Variants in TXLNB observed in about 807,000 individuals in gnomAD.
TXLNB encodes taxilin beta, also known as beta-taxilin.
In TXLNB, 37 loss-of-function variants were observed where a neutral mutation model predicts 57.4. That is an observed-to-expected ratio of 0.64 (90% CI 0.50 to 0.85). The LOEUF is 0.85. TXLNB is among the 40% of genes least tolerant of loss of function. TXLNB has a pLI of 0.00. For missense variants in TXLNB, 848 were observed against 825.6 expected, an observed-to-expected ratio of 1.03 and a Z score of -0.33; for synonymous variants, 302 against 309.6, an observed-to-expected ratio of 0.98 and a Z score of 0.26.
At chr6:139,266,946 ATT>A (rs1162694377) in intron 4 of TXLNB, among the ~76,000 whole-genome samples, 1 of 144,410 alleles carries the variant, frequency 6.9e-6, no homozygotes. Context: ...ATAGTGGCAC[ATT>A]TATTTAAGGC....
the TXLNB span, among the ~76,000 whole-genome samples, chr6:139,200,536 C>A: frequency 6.6e-6 from 1 of 152,030 alleles, no homozygotes; most frequent in Non-Finnish European, 1.5e-5. Flanking sequence ...TTTTGGGATG[C>A]CATGATCAAT....
Position 139,276,904 on chromosome 6 carries a change from G to A in TXLNB, c.442C>T (p.Leu148=). The change falls in exon 3 of 10, where the codon CTA becomes TTA. Residue 148 remains leucine, a synonymous_variant. Transcript: ENST00000358430. ...TGCAACTTGTTCAGATTTTGCATTA[G>A]CAGGTTGGCTTCTTTGCCTTAAAAA... ...LKGLGKEANL[L]MQNLNKLQTP... is the part of the protein sequence containing the mutation. 6.3e-7 allele frequency: 1 copy of A among 1,584,686 alleles called. No individual in the cohort carries two copies. The highest frequency in any genetic ancestry group is 1.2e-5 in the South Asian group (1 of 86,420).
chr6:139,261,175 G>A (rs1220912919), intron 5 of TXLNB, among the ~76,000 whole-genome samples: 1 of 152,118 alleles, frequency 6.6e-6, no homozygotes, highest in African/African-American at 2.4e-5. Flanking sequence ...CTCCCCTTGG[G>A]CTTTACTTAG....
At chr6:139,196,186 A>G in the TXLNB span, among the ~76,000 whole-genome samples, 1 of 152,130 alleles carries the variant, frequency 6.6e-6, no homozygotes, top group Non-Finnish European at 1.5e-5. Flanking sequence ...CATATAATAA[A>G]TCTTCCATGG....
chr6:139,250,177 CTTTT>C (rs529236500), intron 7 of TXLNB, among the ~76,000 whole-genome samples: 21 of 124,410 alleles, frequency 1.7e-4, no homozygotes, highest in African/African-American at 2.7e-4. Flanking sequence ...CCATGTCTGG[CTTTT>C]TTTTTTTTTT....
chr6:139,166,083 A>G, the TXLNB span: 2 of 514,570 alleles, frequency 3.9e-6, no homozygotes, highest in African/African-American at 3.9e-5. Context: ...CTTTTTAGAG[A>G]TTCCACCAGA....
the TXLNB span, among the ~76,000 whole-genome samples, chr6:139,189,230 CA>C: frequency 6.6e-6 from 1 of 152,106 alleles, no homozygotes; most frequent in Non-Finnish European, 1.5e-5. Flanking sequence ...TTCTGTTGCC[CA>C]AAAGTTTATG....
chr6:139,185,226 C>T, the TXLNB span, among the ~76,000 whole-genome samples: 1 of 151,976 alleles, frequency 6.6e-6, no homozygotes, highest in Non-Finnish European at 1.5e-5. Context: ...AGTTACCCAC[C>T]ACAAGGCTGC....
Position 139,270,607 on chromosome 6 carries a change from T to G in TXLNB, c.536A>C (p.Glu179Ala). Residue 179 changes from glutamate (E) to alanine (A), a missense_variant, in exon 4 of 10, where the codon GAG becomes GCG. Physicochemically the swap from Glu to Ala is moderately radical, Grantham distance 107. Transcript: ENST00000358430. ...YAELLDEHRT[E>A]QKKLKLLQKK... ...TTGGAGGAGCTTTAACTTCTTTTGC[T>G]CAGTACGATGTTCATCCAGCTGTAC... The G allele has an allele frequency of 6.2e-7, 1 of 1,614,086 alleles. No individual in the cohort carries two copies. Among genetic ancestry groups the G allele is most frequent in the Non-Finnish European group, 8.5e-7 (1 of 1,180,004 alleles).
At chr6:139,247,211 C>T (rs1343956304) in intron 8 of TXLNB, among the ~76,000 whole-genome samples, 3 of 152,048 alleles carry the variant, frequency 2.0e-5, no homozygotes, top group Non-Finnish European at 4.4e-5. Flanking sequence ...GGCGTGATCT[C>T]ACTCGCTGCA....
the TXLNB span, among the ~76,000 whole-genome samples, chr6:139,234,841 G>A: frequency 5.3e-5 from 8 of 152,178 alleles, no homozygotes; most frequent in African/African-American, 1.9e-4. Flanking sequence ...CCAACAGCCT[G>A]CACCATGTGC....
At chr6:139,199,592 A>G in the TXLNB span, among the ~76,000 whole-genome samples, 1 of 152,200 alleles carries the variant, frequency 6.6e-6, no homozygotes, top group Non-Finnish European at 1.5e-5. Flanking sequence ...TGGGGGAGAT[A>G]GGCAGAGGAG....
the TXLNB span, among the ~76,000 whole-genome samples, chr6:139,174,966 T>C: frequency 6.6e-6 from 1 of 152,198 alleles, no homozygotes; most frequent in Admixed American, 6.5e-5. Flanking sequence ...AAAATGTTAT[T>C]CAAAAGGAAG....
chr6:139,213,828 C>T, the TXLNB span, among the ~76,000 whole-genome samples: 21 of 152,076 alleles, frequency 1.4e-4, no homozygotes, highest in African/African-American at 4.8e-4. Context: ...TACAAACTAC[C>T]ATCAGAGAAT....
chr6:139,229,216 G>A, the TXLNB span, among the ~76,000 whole-genome samples: 7 of 152,180 alleles, frequency 4.6e-5, no homozygotes, highest in Non-Finnish European at 1.0e-4. Context: ...CATATTGACA[G>A]TTTCTGAGTA....
chr6:139,200,102 G>A, the TXLNB span: 1 of 152,124 alleles, frequency 6.6e-6, no homozygotes, highest in African/African-American at 2.4e-5. Context: ...CTCCTTTGAA[G>A]GCCATCCTTA....
chr6:139,281,420 T>C (rs1288420793), intron 2 of TXLNB, among the ~76,000 whole-genome samples: 1 of 152,088 alleles, frequency 6.6e-6, no homozygotes, highest in Non-Finnish European at 1.5e-5. Context: ...TAGCCTGTGT[T>C]TTCTTGTCAG....
the TXLNB span, among the ~76,000 whole-genome samples, chr6:139,182,426 T>C: frequency 2.6e-5 from 4 of 152,220 alleles, no homozygotes; most frequent in Non-Finnish European, 1.5e-5. Flanking sequence ...TGGTGATTGG[T>C]AAGCAATTAG....
At chr6:139,257,130 T>C (rs1562276671) in intron 6 of TXLNB, among the ~76,000 whole-genome samples, 1 of 152,188 alleles carries the variant, frequency 6.6e-6, no homozygotes, top group South Asian at 2.1e-4. Flanking sequence ...TTTTGTTTGG[T>C]TTTTATTATT....
Sources: allele counts gnomAD v4.1 joint callset (sites outside exome capture counted in the v4.1 genomes callset), GRCh38; gene constraint gnomAD v4.1.1; transcripts MANE v1.5; gene names NCBI Gene and HGNC (gene_info 2026-07-23, HGNC 2026-07-21).